Variants in ZSCAN18 observed in about 807,000 individuals in gnomAD.
ZSCAN18 encodes the protein zinc finger and SCAN domain-containing protein 18.
A neutral mutation model predicts 31.1 loss-of-function variants in ZSCAN18; 16 were observed. The ratio of observed to expected loss-of-function variants is 0.51; its 90% CI spans 0.35 to 0.78. The LOEUF is 0.78. Ranked by LOEUF, ZSCAN18 falls within the 30% of genes least tolerant of loss-of-function variation. The pLI is 0.01. For missense variants in ZSCAN18, 731 were observed against 697.4 expected (o/e 1.05, Z -0.54); for synonymous variants, 375 against 320.7 (o/e 1.17, Z -1.81).
intron 1 of ZSCAN18, among the ~76,000 whole-genome samples, chr19:58,106,421 G>GTTTTTTTTTGTTTTTTTTTTGAAAT (rs368006741): frequency 1.7e-5 from 1 of 60,150 alleles, no homozygotes; most frequent in African/African-American, 4.2e-5. Context: ...AAAGACATCT[G>GTTTTTTTTTGTTTTTTTTTTGAAAT]GCTGGGCGCG....
chr19:58,108,847 C>T (rs1425016588), intron 1 of ZSCAN18: 1 of 987,342 alleles, frequency 1.0e-6, no homozygotes, highest in Non-Finnish European at 1.2e-6. Flanking sequence ...TTTGAAGGCT[C>T]ATCTCCTTGT....
rs187288596 is a variant in ZSCAN18 at position 58,084,925 on chromosome 19, G to C, written c.1293C>G (p.His431Gln). The C allele has an allele frequency of 1.3e-6, 2 of 1,596,580 alleles. No individual in the cohort carries two copies. Among genetic ancestry groups the C allele is most frequent in the Non-Finnish European group, 1.7e-6 (2 of 1,173,744 alleles). Residue 431 changes from histidine (H) to glutamine (Q), a missense_variant, in exon 7 of 7, where the codon CAC (histidine) becomes CAG (glutamine). By Grantham distance (24) the His-to-Gln change is conservative. Transcript: ENST00000601144. The surrounding 1 kb of genome is among the most constrained non-coding windows in gnomAD (Gnocchi z 4.5). ...AFAWLSHLME[H>Q]HSSHGGRKRY... is the part of the protein sequence containing the mutation. The stretch of plus-strand genomic sequence containing the variant: ...GCTTCCGGCCGCCATGGCTGCTGTG[G>C]TGCTCCATCAGGTGCGAGAGCCACG...
chr19:58,098,212 G>T lies in ZSCAN18; in HGVS notation c.-158C>A. 2.0e-6 allele frequency: 2 copies of T among 985,468 alleles called. No individual in the cohort carries two copies. Among genetic ancestry groups the T allele is most frequent in the Non-Finnish European group, 2.4e-6 (2 of 829,974 alleles). The allele number at this position is 985,468 out of a possible 1,614,324, so 61.0% of individuals were successfully genotyped here. A position where few individuals can be genotyped will look rare whatever the true frequency, so the allele number is the denominator to read the frequency against. On this transcript the variant is annotated 5_prime_UTR_variant, in exon 1 of 7. Transcript: ENST00000601144. ...ACCCCAGGCCGGTCCCAGCCGCCCG[G>T]AGCCCCAGTGCGCGATGGCGGCCGG...
In ZSCAN18 at chr19:58,084,605, G is replaced by A. The variant is rs1485392617; in HGVS notation, c.*80C>T. 7.5e-7 allele frequency: 1 copy of A among 1,327,940 alleles called. No individual in the cohort carries two copies. Among genetic ancestry groups the A allele is most frequent in the Non-Finnish European group, 9.9e-7 (1 of 1,009,848 alleles). The allele number at this position is 1,327,940 out of a possible 1,614,324, so 82.3% of individuals were successfully genotyped here. A position where few individuals can be genotyped will look rare whatever the true frequency, so the allele number is the denominator to read the frequency against. ...AAACACCACAGGAAGCCGCCACCCA[G>A]GGGCGTGGAAAGGCCCAATGCCTCG... On this transcript the variant is annotated 3_prime_UTR_variant, in exon 7 of 7. Transcript: ENST00000601144. This position sits in a 1 kb window ranked among gnomAD's most constrained non-coding sequence, Gnocchi z 4.5.
intron 1 of ZSCAN18, among the ~76,000 whole-genome samples, chr19:58,112,198 T>A (rs966781173): frequency 6.6e-6 from 1 of 152,076 alleles, no homozygotes; most frequent in African/African-American, 2.4e-5. Flanking sequence ...AGATTCCCAG[T>A]AATTTTTGTA....
chr19:58,098,363 C>T (rs112383295), upstream of ZSCAN18: 1,255 of 985,502 alleles, frequency 1.3e-3, 9 homozygotes, highest in African/African-American at 0.016. Flanking sequence ...CAATCAGACG[C>T]GAGTGTGGCC....
At chr19:58,109,769 A>T (rs567089976) in intron 1 of ZSCAN18, among the ~76,000 whole-genome samples, 2 of 151,054 alleles carry the variant, frequency 1.3e-5, no homozygotes, top group South Asian at 4.2e-4. Context: ...TTACAAAATC[A>T]TATGTGCACA....
At chr19:58,115,254 G>A (rs982488704) in intron 1 of ZSCAN18, among the ~76,000 whole-genome samples, 1 of 152,206 alleles carries the variant, frequency 6.6e-6, no homozygotes, top group African/African-American at 2.4e-5. Context: ...TATTGTTTCT[G>A]AGAAGACAAG....
chr19:58,086,067 A>T, intron 6 of ZSCAN18, 107 bp downstream of exon 6: 2 of 851,744 alleles, frequency 2.3e-6, no homozygotes, highest in Non-Finnish European at 3.8e-6. Context: ...TGAAGCAGTC[A>T]ATGCTGAGGT....
chr19:58,087,524 C>T (rs1250664502), intron 3 of ZSCAN18, 120 bp from the exon 4 acceptor site: 3 of 846,142 alleles, frequency 3.5e-6, no homozygotes, highest in African/African-American at 1.7e-5. Flanking sequence ...GACAGCAGCA[C>T]CCAAGGCTCA....
upstream of ZSCAN18, among the ~76,000 whole-genome samples, chr19:58,098,967 A>ATCAC (rs1365769567): frequency 1.3e-5 from 2 of 152,144 alleles, no homozygotes; most frequent in African/African-American, 4.8e-5. Context: ...AGCTGGGGTG[A>ATCAC]GGGCTTTGGC....
At chr19:58,114,401 A>AAGAATGTCTTTATTCTT (rs1328215342) in intron 1 of ZSCAN18, among the ~76,000 whole-genome samples, 3 of 151,484 alleles carry the variant, frequency 2.0e-5, no homozygotes, top group African/African-American at 7.3e-5. Flanking sequence ...GGTTATGCAA[A>AAGAATGTCTTTATTCTT]AGAATGTCTT....
At chr19:58,118,323 G>A in exon 1 of ZSCAN18, 1 of 1,530,452 alleles carries the variant, frequency 6.5e-7, no homozygotes, top group Non-Finnish European at 8.8e-7. Flanking sequence ...ACAGACCCGA[G>A]AGGCCGCGAG....
chr19:58,103,762 C>T (rs1024209265), intron 1 of ZSCAN18, among the ~76,000 whole-genome samples: 3 of 151,558 alleles, frequency 2.0e-5, no homozygotes, highest in African/African-American at 7.3e-5. Context: ...AACTTCAAAT[C>T]AAAAGCTAGA....
chr19:58,092,639 G>C, intron 1 of ZSCAN18: 2 of 902,640 alleles, frequency 2.2e-6, no homozygotes, highest in Non-Finnish European at 2.6e-6. Context: ...CTCTCTCTCT[G>C]TGGCTACCAG....
In ZSCAN18 at chr19:58,088,814, C is replaced by T; in HGVS notation, c.427G>A (p.Gly143Ser). ...CCATCGCTAAGAATTGAGGATGAGC[C>T]CGCAGGGGAGCCCAGCAGCATCCCT... ...EPGMLLGSPAGSSSILSDGVY... is the reference protein window; with the variant it reads ...EPGMLLGSPASSSSILSDGVY... The change falls in exon 3 of 7, where the codon GGC (glycine) becomes AGC (serine). Residue 143 changes from glycine to serine, a missense_variant. Gly to Ser is a moderately conservative substitution (Grantham distance 56). This residue lies in a region of ZSCAN18 where 46 missense variants were observed against 60.6 expected (regional missense o/e 0.76). Transcript: ENST00000601144. The T allele has an allele frequency of 6.2e-7, 1 of 1,612,694 alleles. No individual in the cohort carries two copies. The highest frequency in any genetic ancestry group is 8.5e-7 in the Non-Finnish European group (1 of 1,179,652).
intron 1 of ZSCAN18, chr19:58,108,852 CCTT>C (rs2074656612): frequency 1.0e-6 from 1 of 995,536 alleles, no homozygotes; most frequent in Non-Finnish European, 1.2e-6. Context: ...AGGCTCATCT[CCTT>C]GTTAGATCTT....
In ZSCAN18 at chr19:58,084,701, G is replaced by C; in HGVS notation, c.1517C>G (p.Pro506Arg). The C allele has an allele frequency of 6.7e-7, 1 of 1,500,060 alleles. No individual in the cohort carries two copies. The highest frequency in any genetic ancestry group is 8.8e-7 in the Non-Finnish European group (1 of 1,135,220). The allele number at this position is 1,500,060 out of a possible 1,614,324, so 92.9% of individuals were successfully genotyped here. The stretch of plus-strand genomic sequence containing the variant: ...CACAGCGGCTCACCTCTGCGCCTCT[G>C]GGGGTGCGGGGGGAGCCTCGCCCTC... ...SVEGEAPPAP[P>R]EAQR Residue 506 changes from proline to arginine, a missense_variant, in exon 7 of 7, where the codon CCA (proline) becomes CGA (arginine). Around this residue, in one of 4 missense-constraint regions of ZSCAN18, gnomAD observed 597 missense variants for 499.5 expected, o/e 1.20. Coordinates refer to ENST00000601144, the MANE Select transcript of ZSCAN18 (RefSeq NM_001145543.2). This position sits in a 1 kb window ranked among gnomAD's most constrained non-coding sequence, Gnocchi z 4.5.
chr19:58,101,289 T>G (rs570201363), upstream of ZSCAN18, among the ~76,000 whole-genome samples: 1 of 144,088 alleles, frequency 6.9e-6, no homozygotes, highest in African/African-American at 2.6e-5. Context: ...CCCGCCACCA[T>G]GCCCAGCTAA....
Sources: allele counts gnomAD v4.1 joint callset (sites outside exome capture counted in the v4.1 genomes callset), GRCh38; gene constraint gnomAD v4.1.1; regional missense constraint gnomAD v4.1.1; non-coding constraint Gnocchi (gnomAD v3.1); transcripts MANE v1.5; gene names NCBI Gene and HGNC (gene_info 2026-07-23, HGNC 2026-07-21).